The following CDYL variants were observed in gnomAD, a reference collection of about 807,000 sequenced individuals.
CDYL encodes chromodomain Y-like protein.
In CDYL, 8 loss-of-function variants were observed where a neutral mutation model predicts 47.3. That is an observed-to-expected ratio of 0.17 (90% CI 0.10 to 0.31). The LOEUF (loss-of-function observed/expected upper bound fraction) is 0.31. Ranked by LOEUF, CDYL falls within the 10% of genes least tolerant of loss-of-function variation. The pLI is 1.00. For synonymous variants in CDYL, 266 were observed against 265.0 expected (o/e 1.00, Z -0.04); for missense variants, 471 against 701.4 (o/e 0.67, Z 3.71).
At chr6:4,713,599 T>TC (rs1049706758) in intron 1 of CDYL, among the ~76,000 whole-genome samples, 7 of 151,668 alleles carry the variant, frequency 4.6e-5, no homozygotes, top group Non-Finnish European at 7.4e-5. Context: ...CTTTTTTTTT[T>TC]TTTTTGGAGA....
chr6:4,910,103 A>C (rs1184240318), intron 2 of CDYL, among the ~76,000 whole-genome samples: 1 of 151,840 alleles, frequency 6.6e-6, no homozygotes, highest in Non-Finnish European at 1.5e-5. Context: ...TTCCTGGGAG[A>C]AGACTCCCCG....
chr6:4,946,633 C>A (rs1262905969), intron 5 of CDYL, among the ~76,000 whole-genome samples: 1 of 152,164 alleles, frequency 6.6e-6, no homozygotes, highest in East Asian at 1.9e-4. Flanking sequence ...GCTTGCCAAG[C>A]CCAGCTGTGC....
At chr6:4,812,421 A>G (rs778716509) in intron 1 of CDYL, among the ~76,000 whole-genome samples, 4 of 152,238 alleles carry the variant, frequency 2.6e-5, no homozygotes, top group Non-Finnish European at 5.9e-5. Flanking sequence ...ACATGTGCCC[A>G]GAAAGTAGCT....
intron 1 of CDYL, among the ~76,000 whole-genome samples, chr6:4,824,894 A>G (rs1759936164): frequency 6.6e-6 from 1 of 151,904 alleles, no homozygotes; most frequent in African/African-American, 2.4e-5. Context: ...TCTTTGAAAC[A>G]GAGTCTCACT....
chr6:4,723,719 A>G (rs1757420331), intron 2 of CDYL, among the ~76,000 whole-genome samples: 1 of 152,214 alleles, frequency 6.6e-6, no homozygotes, highest in Admixed American at 6.5e-5. Flanking sequence ...GCCACAGAGC[A>G]GGGCAGAGTG....
intron 1 of CDYL, among the ~76,000 whole-genome samples, chr6:4,785,016 G>A (rs1027706797): frequency 6.6e-6 from 1 of 152,170 alleles, no homozygotes; most frequent in Non-Finnish European, 1.5e-5. Flanking sequence ...AATTAAACTC[G>A]TTTCCTTTAT....
At chr6:4,722,289 C>T (rs1019635386) in intron 2 of CDYL, among the ~76,000 whole-genome samples, 3 of 151,672 alleles carry the variant, frequency 2.0e-5, no homozygotes, top group African/African-American at 7.3e-5. Flanking sequence ...CAGCAGGACC[C>T]CATCTCAACA....
intron 1 of CDYL, among the ~76,000 whole-genome samples, chr6:4,710,562 AG>A (rs1757133127): frequency 7.1e-6 from 1 of 140,884 alleles, no homozygotes; most frequent in Admixed American, 7.0e-5. Context: ...TAAAACAGGG[AG>A]GGAGGGAGGG....
chr6:4,951,264 T>G (rs1581296127), intron 5 of CDYL, among the ~76,000 whole-genome samples: 1 of 152,280 alleles, frequency 6.6e-6, no homozygotes, highest in South Asian at 2.1e-4. Context: ...ACATCAGAGT[T>G]GTTAGGAAGG....
intron 1 of CDYL, among the ~76,000 whole-genome samples, chr6:4,785,187 G>T (rs1193620445): frequency 6.6e-6 from 1 of 152,196 alleles, no homozygotes; most frequent in Non-Finnish European, 1.5e-5. Context: ...GCCTAGGTGT[G>T]TAGTAGGCTA....
intron 3 of CDYL, among the ~76,000 whole-genome samples, chr6:4,769,177 G>T (rs778140029): frequency 1.3e-5 from 2 of 152,150 alleles, no homozygotes. Context: ...TGAATAAAGC[G>T]TGTATTTTAG....
At chr6:4,944,893 C>T (rs1758465455) in intron 5 of CDYL, among the ~76,000 whole-genome samples, 1 of 152,196 alleles carries the variant, frequency 6.6e-6, no homozygotes. Flanking sequence ...CAACATGAAG[C>T]ACTGAGGGGA....
At chr6:4,870,908 G>C (rs1316330341) in intron 1 of CDYL, among the ~76,000 whole-genome samples, 2 of 152,094 alleles carry the variant, frequency 1.3e-5, no homozygotes, top group African/African-American at 4.8e-5. Flanking sequence ...CATTAAACAT[G>C]GTTTTAAAAA....
intron 4 of CDYL, among the ~76,000 whole-genome samples, chr6:4,943,007 A>G (rs959113607): frequency 2.8e-4 from 43 of 152,198 alleles, no homozygotes; most frequent in African/African-American, 9.7e-4. Context: ...GGAAATAGCA[A>G]TTATTGCCAG....
intron 3 of CDYL, among the ~76,000 whole-genome samples, chr6:4,765,049 G>A (rs537853565): frequency 2.9e-4 from 44 of 152,312 alleles, no homozygotes; most frequent in African/African-American, 1.0e-3. Context: ...TTGGCTGGGT[G>A]TGGTGGCTCA....
At chr6:4,723,678 T>C (rs185073904) in intron 2 of CDYL, among the ~76,000 whole-genome samples, 98 of 152,242 alleles carry the variant, frequency 6.4e-4, no homozygotes, top group African/African-American at 2.2e-3. Context: ...AGGGGGCTTG[T>C]TGATGGAGTC....
chr6:4,916,300 A>ATCTT (rs1296537587), intron 2 of CDYL, among the ~76,000 whole-genome samples: 1 of 152,224 alleles, frequency 6.6e-6, no homozygotes, highest in South Asian at 2.1e-4. Flanking sequence ...TGGAGTGGCC[A>ATCTT]TCTTTTTTAC....
At chr6:4,906,168 T>C (rs144033222) in intron 2 of CDYL, among the ~76,000 whole-genome samples, 34 of 152,328 alleles carry the variant, frequency 2.2e-4, no homozygotes, top group African/African-American at 7.5e-4. Context: ...TGACTTTTAT[T>C]GAATGGAAAA....
intron 2 of CDYL, among the ~76,000 whole-genome samples, chr6:4,924,299 G>A (rs1004464641): frequency 6.6e-6 from 1 of 152,154 alleles, no homozygotes; most frequent in Admixed American, 6.5e-5. Flanking sequence ...AGGAACCTTA[G>A]CTTACGTTCT....
Sources: gnomAD v4.1 joint callset for allele counts (sites outside exome capture counted in the v4.1 genomes callset) on GRCh38, gnomAD v4.1.1 for gene constraint, MANE v1.5 for transcripts, NCBI Gene and HGNC (gene_info 2026-07-23, HGNC 2026-07-21) for gene names.